The following SPECC1 variants were observed in gnomAD, a reference collection of about 807,000 sequenced individuals.
The protein encoded by SPECC1 is cytospin-B.
SPECC1 carries 62 observed loss-of-function variants against 104.1 expected under a neutral mutation model. The observed-to-expected ratio is 0.60, with a 90% CI of 0.49 to 0.74. The LOEUF (loss-of-function observed/expected upper bound fraction) is 0.74. Ranked by LOEUF, SPECC1 falls within the 30% of genes least tolerant of loss-of-function variation. SPECC1 has a pLI of 0.00. For synonymous variants in SPECC1, 513 were observed against 501.6 expected, an observed-to-expected ratio of 1.02 and a Z score of -0.30; for missense variants, 1,306 against 1,310.5, an observed-to-expected ratio of 1.00 and a Z score of 0.05.
At chr17:20,244,189 A>G (rs565618463) in intron 7 of SPECC1, among the ~76,000 whole-genome samples, 48 of 152,220 alleles carry the variant, frequency 3.2e-4, no homozygotes, top group African/African-American at 1.1e-3. Flanking sequence ...AGATCACACC[A>G]CTGCACTCCA....
chr17:20,193,258 A>G (rs1027224654), intron 3 of SPECC1, among the ~76,000 whole-genome samples: 9 of 152,176 alleles, frequency 5.9e-5, no homozygotes, highest in African/African-American at 9.7e-5. Flanking sequence ...GCAGCCTGTT[A>G]TATCAGCAAG....
intron 12 of SPECC1, among the ~76,000 whole-genome samples, chr17:20,263,638 A>T (rs191899131): frequency 2.6e-5 from 4 of 152,260 alleles, no homozygotes; most frequent in Non-Finnish European, 1.5e-5. Flanking sequence ...AGGAATGGTG[A>T]TGGGAAATTG....
chr17:20,032,850 T>C (rs949299271), intron 1 of SPECC1, among the ~76,000 whole-genome samples: 8 of 152,218 alleles, frequency 5.3e-5, no homozygotes, highest in Admixed American at 5.2e-4. Context: ...GTATGGTTCA[T>C]ACTTCCTTGT....
chr17:20,271,553 C>G (rs1168544073), intron 12 of SPECC1, among the ~76,000 whole-genome samples: 1 of 152,044 alleles, frequency 6.6e-6, no homozygotes, highest in African/African-American at 2.4e-5. Flanking sequence ...GTAAATGATA[C>G]TCATTCAACC....
chr17:20,039,598 C>G (rs571406921), intron 1 of SPECC1, among the ~76,000 whole-genome samples: 2 of 152,150 alleles, frequency 1.3e-5, no homozygotes, highest in African/African-American at 4.8e-5. Flanking sequence ...CTCACTCTGT[C>G]GTTCAGGCTG....
chr17:20,016,077 G>A (rs911047766), intron 1 of SPECC1, among the ~76,000 whole-genome samples: 3 of 151,468 alleles, frequency 2.0e-5, no homozygotes, highest in African/African-American at 7.3e-5. Flanking sequence ...AATTAGCTGG[G>A]CGTGGTGGCG....
rs1203036580 is a variant in SPECC1 at position 20,205,203 on chromosome 17, A to G, written c.1154A>G (p.His385Arg). The change falls in exon 4 of 15, where the codon CAT becomes CGT. Residue 385 changes from histidine to arginine, a missense_variant. His to Arg is a conservative substitution (Grantham distance 29, BLOSUM62 0). Around this residue, in one of 2 missense-constraint regions of SPECC1, gnomAD observed 1,177 missense variants for 1,139.9 expected, o/e 1.03. Transcript: ENST00000395527. The part of the protein sequence containing the change: ...EKIQKMEENH[H>R]STAEELQATL... Reference sequence around the variant, plus strand: ...ATACAAAAGATGGAAGAAAACCACCATAGCACTGCAGAAGAACTACAGGCT... The same window carrying G: ...ATACAAAAGATGGAAGAAAACCACCGTAGCACTGCAGAAGAACTACAGGCT... 6.2e-7 allele frequency: 1 copy of G among 1,614,202 alleles called. No homozygotes were observed. Among genetic ancestry groups the G allele is most frequent in the African/African-American group, 1.3e-5 (1 of 75,060 alleles).
At chr17:20,255,710 G>A (rs1303350130) in intron 10 of SPECC1, among the ~76,000 whole-genome samples, 1 of 152,078 alleles carries the variant, frequency 6.6e-6, no homozygotes, top group Non-Finnish European at 1.5e-5. Context: ...GACTAGAGGT[G>A]CATGTCACCA....
intron 9 of SPECC1, among the ~76,000 whole-genome samples, chr17:20,250,435 A>C (rs1006407983): frequency 6.6e-6 from 1 of 152,260 alleles, no homozygotes; most frequent in African/African-American, 2.4e-5. Context: ...ACATCACTAA[A>C]GATTTCATAA....
At chr17:20,077,906 A>G (rs1002345537) in intron 1 of SPECC1, among the ~76,000 whole-genome samples, 2 of 151,974 alleles carry the variant, frequency 1.3e-5, no homozygotes, top group African/African-American at 4.8e-5. Flanking sequence ...TTATCTGTAA[A>G]ATGGGGATAA....
At chr17:20,073,257 G>C (rs1457970269) in intron 1 of SPECC1, among the ~76,000 whole-genome samples, 1 of 152,086 alleles carries the variant, frequency 6.6e-6, no homozygotes. Flanking sequence ...GTGGTGGGGC[G>C]TGGCTGAAGC....
At chr17:20,155,960 T>G in intron 3 of SPECC1, 2 of 1,247,776 alleles carry the variant, frequency 1.6e-6, no homozygotes, top group Non-Finnish European at 1.0e-6. Context: ...AGGATGCAGA[T>G]GAAGGGGGCG....
chr17:20,172,265 C>T (rs1434947526), intron 3 of SPECC1, among the ~76,000 whole-genome samples: 6 of 152,186 alleles, frequency 3.9e-5, no homozygotes, highest in African/African-American at 1.4e-4. Context: ...CCTCTCTCAG[C>T]GTGTTACAGC....
intron 3 of SPECC1, among the ~76,000 whole-genome samples, chr17:20,114,849 A>G (rs1185672913): frequency 6.6e-6 from 1 of 152,252 alleles, no homozygotes; most frequent in Non-Finnish European, 1.5e-5. Context: ...AAGCAACTTC[A>G]GAAATGAATT....
At chr17:20,143,668 C>CAA (rs370418940) in intron 3 of SPECC1, among the ~76,000 whole-genome samples, 1 of 144,228 alleles carries the variant, frequency 6.9e-6, no homozygotes, top group African/African-American at 2.5e-5. Flanking sequence ...GACTCTGTCT[C>CAA]AAAAAAAAAA....
At chr17:20,274,003 C>T (rs958925379) in intron 12 of SPECC1, among the ~76,000 whole-genome samples, 2 of 152,108 alleles carry the variant, frequency 1.3e-5, no homozygotes, top group African/African-American at 4.8e-5. Flanking sequence ...GAGCTTTATT[C>T]CTTTCTCCTT....
At chr17:20,112,419 T>C in intron 3 of SPECC1, 1 of 763,748 alleles carries the variant, frequency 1.3e-6, no homozygotes, top group South Asian at 1.3e-5. Context: ...CATTCACCAA[T>C]ATCCTGAAAG....
chr17:20,303,832 A>T (rs796536755), intron 13 of SPECC1, among the ~76,000 whole-genome samples: 3 of 152,072 alleles, frequency 2.0e-5, no homozygotes, highest in Non-Finnish European at 4.4e-5. Flanking sequence ...GGGCGCGTGT[A>T]GTCCCAGCTA....
intron 11 of SPECC1, among the ~76,000 whole-genome samples, chr17:20,259,417 A>G (rs1001934754): frequency 2.0e-5 from 3 of 152,206 alleles, no homozygotes. Flanking sequence ...TAAAATTCTT[A>G]TTTCAATTTT....
Sources: gnomAD v4.1 joint callset for allele counts (sites outside exome capture counted in the v4.1 genomes callset) on GRCh38, gnomAD v4.1.1 for gene constraint, gnomAD v4.1.1 regional missense constraint, MANE v1.5 for transcripts, NCBI Gene and HGNC (gene_info 2026-07-23, HGNC 2026-07-21) for gene names.